Variants in SGK2 observed in about 807,000 individuals in gnomAD.
SGK2 encodes serum/glucocorticoid regulated kinase 2, also known as serine/threonine-protein kinase Sgk2.
In SGK2, 36 loss-of-function variants were observed where a neutral mutation model predicts 47.5. The observed-to-expected ratio is 0.76, with a 90% confidence interval of 0.58 to 1.00. SGK2 has a LOEUF of 1.00. Ranked by LOEUF, SGK2 falls within the 50% of genes least tolerant of loss-of-function variation. The pLI, the probability that SGK2 is intolerant of heterozygous loss-of-function variation, is 0.00. For missense variants in SGK2, 404 were observed against 467.4 expected, an observed-to-expected ratio of 0.86 and a Z score of 1.25; for synonymous variants, 157 against 181.9, an observed-to-expected ratio of 0.86 and a Z score of 1.10.
intron 1 of SGK2, chr20:43,564,911 A>G (rs1467719397): frequency 2.6e-5 from 4 of 152,746 alleles, no homozygotes; most frequent in Admixed American, 6.5e-5. Context: ...ACACGGAAGC[A>G]CTCTATGCAC....
At chr20:43,579,322 G>A (rs953219053) in intron 11 of SGK2, among the ~76,000 whole-genome samples, 32 of 152,170 alleles carry the variant, frequency 2.1e-4, no homozygotes, top group Admixed American at 6.5e-5. Context: ...AGCCTCTTAC[G>A]GAGATATTTT....
rs1204249536 is a variant in SGK2, at chr20:43,585,514, G to A, written c.*498G>A. ...AGACATTAGGGGAGAATGTTGGGTAGGCAGCCAGCACTCTTTTACCAGAGG... is the reference window on the plus strand; with the variant it reads ...AGACATTAGGGGAGAATGTTGGGTAAGCAGCCAGCACTCTTTTACCAGAGG... On this transcript the variant is annotated 3_prime_UTR_variant, in exon 13 of 13. Transcript: ENST00000373100. 1 of 153,384 alleles carries A rather than the reference G, an allele frequency of 6.5e-6. No homozygotes were observed. The highest frequency in any genetic ancestry group is 1.5e-5 in the Non-Finnish European group (1 of 68,818). The allele number at this position is 153,384 out of a possible 1,614,324, so 9.5% of individuals were successfully genotyped here.
chr20:43,569,332 A>T, intron 5 of SGK2, 53 bp from the exon 6 acceptor site: 1 of 1,603,194 alleles, frequency 6.2e-7, no homozygotes, highest in Non-Finnish European at 8.5e-7. Flanking sequence ...GAGCCGGGAT[A>T]AAAGAGGCTG....
At chr20:43,570,958 A>G in intron 7 of SGK2, 66 bp from the exon 8 acceptor site, 1 of 1,610,504 alleles carries the variant, frequency 6.2e-7, no homozygotes, top group Non-Finnish European at 8.5e-7. Flanking sequence ...CCCCCCGCCC[A>G]GGTCTCCAAC....
chr20:43,582,956 A>G (rs1026197204), intron 12 of SGK2, among the ~76,000 whole-genome samples: 6 of 152,164 alleles, frequency 3.9e-5, no homozygotes, highest in Admixed American at 2.0e-4. Flanking sequence ...TTGGCCTCCC[A>G]AAGTGCTAGT....
chr20:43,579,011 CTTTTTTTTTTT>C (rs10523244), intron 11 of SGK2, among the ~76,000 whole-genome samples: 104 of 143,772 alleles, frequency 7.2e-4, no homozygotes, highest in Middle Eastern at 3.6e-3. Context: ...CTTTCGGAGG[CTTTTTTTTTTT>C]TTTTTTTTTT....
At chr20:43,567,415 T>C (rs2145535653) in intron 3 of SGK2, among the ~76,000 whole-genome samples, 1 of 152,318 alleles carries the variant, frequency 6.6e-6, no homozygotes, top group Admixed American at 6.5e-5. Context: ...CTGTGCAGTA[T>C]GTCTGGTTTT....
intron 9 of SGK2, among the ~76,000 whole-genome samples, chr20:43,574,228 C>T (rs564640248): frequency 7.9e-5 from 12 of 152,298 alleles, no homozygotes; most frequent in African/African-American, 2.6e-4. Context: ...GTGGCAGAGA[C>T]ACCAGGCTAA....
chr20:43,583,360 T>G (rs1601003694), intron 12 of SGK2: 2 of 1,274,916 alleles, frequency 1.6e-6, no homozygotes, highest in African/African-American at 3.1e-5. Flanking sequence ...TCACCTACCA[T>G]TTGTGAGGTC....
In SGK2 at chr20:43,582,873, T is replaced by C. The variant is rs8114217; in HGVS notation, c.940-1979T>C. ...TGGCTAATTTTTTTGTTGTTGTATT[T>C]TTAGTAGAGACGGAATTTCACCATG... On this transcript the variant is annotated intron_variant, in intron 12 of 12. Coordinates refer to ENST00000373100, the MANE Select transcript of SGK2 (RefSeq NM_170693.3). Among the ~76,000 whole-genome samples, 1,127 of 151,898 alleles carry C rather than the reference T, an allele frequency of 7.4e-3. 6 individuals are homozygous for C. The highest frequency in any genetic ancestry group is 0.013 in the African/African-American group (546 of 41,400).
rs764925044 is a variant in SGK2, at chr20:43,576,311, G to T, written c.781G>T (p.Ala261Ser). Residue 261 changes from alanine to serine, a missense_variant, in exon 11 of 13, where the codon GCC becomes TCC. By Grantham distance (99) the Ala-to-Ser change is moderately conservative. Transcript: ENST00000373100. ...GATCCCCGGAGGCCGGACAGTGGCC[G>T]CCTGTGACCTCCTGCAAAGCCTTCT... Reference protein sequence around the residue: ...LQIPGGRTVAACDLLQSLLHK... With the variant: ...LQIPGGRTVASCDLLQSLLHK... The T allele has an allele frequency of 5.0e-6, 8 of 1,614,092 alleles. No homozygotes were observed. Among genetic ancestry groups the T allele is most frequent in the Non-Finnish European group, 6.8e-6 (8 of 1,180,040 alleles).
intron 1 of SGK2, among the ~76,000 whole-genome samples, chr20:43,563,677 T>A (rs189033673): frequency 1.3e-5 from 2 of 152,310 alleles, no homozygotes; most frequent in Non-Finnish European, 2.9e-5. Flanking sequence ...TGCTCTGTGG[T>A]GGGACACTTA....
At chr20:43,570,218 G>A (rs994539713) in intron 6 of SGK2, among the ~76,000 whole-genome samples, 3 of 152,168 alleles carry the variant, frequency 2.0e-5, no homozygotes, top group African/African-American at 4.8e-5. Flanking sequence ...TTTGAACCAC[G>A]CAGGTTCAAA....
At chr20:43,574,675 T>A (rs1423720242) in intron 9 of SGK2, among the ~76,000 whole-genome samples, 3 of 152,234 alleles carry the variant, frequency 2.0e-5, no homozygotes, top group African/African-American at 7.2e-5. Flanking sequence ...GTACACACCA[T>A]GTAAATTGCA....
chr20:43,584,071 AGTTGGCAGTT>A (rs1235979162), intron 12 of SGK2, among the ~76,000 whole-genome samples: 5 of 152,054 alleles, frequency 3.3e-5, no homozygotes, highest in African/African-American at 4.8e-5. Flanking sequence ...CTAGCGGGAC[AGTTGGCAGTT>A]GTTGATCTAG....
At chr20:43,584,282 C>T (rs374711427) in intron 12 of SGK2, among the ~76,000 whole-genome samples, 8 of 152,216 alleles carry the variant, frequency 5.3e-5, no homozygotes, top group African/African-American at 1.9e-4. Flanking sequence ...GGTAATGTCC[C>T]ATTGGCCTAA....
chr20:43,560,363 G>C lies in SGK2; in HGVS notation c.-24+1204G>C, dbSNP rs1185590481. Among the ~76,000 whole-genome samples, 5 of 152,170 alleles carry C rather than the reference G, an allele frequency of 3.3e-5. No homozygotes were observed. In the East Asian group the frequency reaches 9.7e-4, roughly 29 times the overall value. On this transcript the variant is annotated intron_variant, in intron 1 of 12. Transcript: ENST00000373100. Reference sequence around the variant, plus strand: ...AAAATACAAAAATTAGCCGAGCGTCGTGACACATGCCCGTAATCCCAGCTA... The same window carrying C: ...AAAATACAAAAATTAGCCGAGCGTCCTGACACATGCCCGTAATCCCAGCTA...
Position 43,571,064 on chromosome 20 carries a change from GGTGTGT to G in SGK2, c.510+37_510+42del, listed in dbSNP as rs11467250. The G allele has an allele frequency of 0.13, 183,975 of 1,393,482 alleles. 19 individuals carry two copies. The highest frequency in any genetic ancestry group is 0.17 in the South Asian group (13,288 of 78,752). The allele number at this position is 1,393,482 out of a possible 1,614,324, so 86.3% of individuals were successfully genotyped here. A position where few individuals can be genotyped will look rare whatever the true frequency, so the allele number is the denominator to read the frequency against. ...GAACATTCTCTTGGACTGCCAGGTT[GGTGTGT>G]GTGTGTGTGTGTGTGTGTGTGTGTG... On this transcript the variant is annotated splice_donor_5th_base_variant and intron_variant, in intron 8 of 12. Coordinates refer to ENST00000373100, the MANE Select transcript of SGK2 (RefSeq NM_170693.3).
intron 1 of SGK2, 187 bp from the exon 2 acceptor site, chr20:43,566,286 G>A (rs1979703528): frequency 6.5e-7 from 1 of 1,542,502 alleles, no homozygotes; most frequent in Non-Finnish European, 8.9e-7. Context: ...GGAAGTCTGG[G>A]TCCAGGGGAT....
Sources: allele counts gnomAD v4.1 joint callset (sites outside exome capture counted in the v4.1 genomes callset), GRCh38; gene constraint gnomAD v4.1.1; transcripts MANE v1.5; gene names NCBI Gene and HGNC (gene_info 2026-07-23, HGNC 2026-07-21).